CTNNA3: variants seen among roughly 807,000 people sequenced by gnomAD.
The protein encoded by CTNNA3 is catenin alpha-3.
CTNNA3 carries 76 observed loss-of-function variants against 95.7 expected under a neutral mutation model. The ratio of observed to expected loss-of-function variants is 0.79; its 90% CI spans 0.66 to 0.96. The LOEUF is 0.96. Among genes scored for constraint, CTNNA3 ranks in the 40% least tolerant of loss-of-function variants. CTNNA3 has a pLI of 0.00. For synonymous variants in CTNNA3, 431 were observed against 374.4 expected (o/e 1.15, Z -1.74); for missense variants, 1,191 against 1,089.8 (o/e 1.09, Z -1.31).
chr10:66,220,063 C>A (rs1039249824), intron 13 of CTNNA3, among the ~76,000 whole-genome samples: 5 of 152,072 alleles, frequency 3.3e-5, no homozygotes, highest in African/African-American at 4.8e-5. Context: ...GCAGAGGTTG[C>A]AGTGAGCCGA....
At chr10:67,154,083 G>A (rs1196464070) in intron 7 of CTNNA3, among the ~76,000 whole-genome samples, 1 of 151,974 alleles carries the variant, frequency 6.6e-6, no homozygotes, top group South Asian at 2.1e-4. Flanking sequence ...TATATCCAAT[G>A]TATAAGTATT....
chr10:66,321,334 TA>T (rs2092182456), intron 12 of CTNNA3, among the ~76,000 whole-genome samples: 1 of 152,060 alleles, frequency 6.6e-6, no homozygotes, highest in Admixed American at 6.6e-5. Context: ...GAAAGAAACA[TA>T]AAAACTAAAG....
At chr10:66,073,675 T>G (rs2080487993) in intron 14 of CTNNA3, among the ~76,000 whole-genome samples, 1 of 152,112 alleles carries the variant, frequency 6.6e-6, no homozygotes, top group Non-Finnish European at 1.5e-5. Flanking sequence ...AATATTACCA[T>G]TCCTGCTGTC....
At chr10:65,960,862 T>G (rs967087557) in intron 17 of CTNNA3, among the ~76,000 whole-genome samples, 2 of 152,256 alleles carry the variant, frequency 1.3e-5, no homozygotes, top group Admixed American at 1.3e-4. Context: ...AATTCTTTTA[T>G]ATGACTGCAT....
chr10:65,986,453 G>A (rs2133318880), intron 16 of CTNNA3, among the ~76,000 whole-genome samples: 1 of 151,128 alleles, frequency 6.6e-6, no homozygotes, highest in South Asian at 2.1e-4. Flanking sequence ...AATCAGGCAA[G>A]CAATCCTATT....
chr10:67,083,335 A>C (rs2131885952), intron 7 of CTNNA3, among the ~76,000 whole-genome samples: 1 of 152,254 alleles, frequency 6.6e-6, no homozygotes, highest in African/African-American at 2.4e-5. Flanking sequence ...TGATTAGGAA[A>C]CAGTTCCAAT....
intron 7 of CTNNA3, among the ~76,000 whole-genome samples, chr10:66,981,945 C>A (rs949302070): frequency 6.6e-6 from 1 of 152,166 alleles, no homozygotes; most frequent in African/African-American, 2.4e-5. Flanking sequence ...CCAAAGGCTG[C>A]CTATTTGGCT....
chr10:66,348,683 ACAAT>A (rs1160036833), intron 12 of CTNNA3, among the ~76,000 whole-genome samples: 3 of 152,244 alleles, frequency 2.0e-5, no homozygotes, highest in East Asian at 1.9e-4. Flanking sequence ...AAGCTAGTTT[ACAAT>A]CAATCTTGCC....
At chr10:67,688,321 T>C (rs1380486102) in intron 1 of CTNNA3, among the ~76,000 whole-genome samples, 1 of 152,010 alleles carries the variant, frequency 6.6e-6, no homozygotes, top group East Asian at 1.9e-4. Flanking sequence ...TTTGTTTCCT[T>C]CTGGGTGGGG....
At chr10:66,564,935 A>C (rs1222855439) in intron 10 of CTNNA3, among the ~76,000 whole-genome samples, 2 of 152,192 alleles carry the variant, frequency 1.3e-5, no homozygotes, top group African/African-American at 4.8e-5. Context: ...AGTCAGAAAT[A>C]GCATTAGAAC....
chr10:67,184,691 T>C (rs1862749086), intron 6 of CTNNA3, among the ~76,000 whole-genome samples: 1 of 152,198 alleles, frequency 6.6e-6, no homozygotes. Flanking sequence ...CTTACTAAAA[T>C]GAGTTACCCA....
rs749493440 is a variant in CTNNA3, at chr10:66,621,721, C to G, written c.1345G>C (p.Ala449Pro). The change falls in exon 10 of 18, where the codon GCC (alanine) becomes CCC (proline). Residue 449 changes from alanine to proline, a missense_variant. By Grantham distance (27) the Ala-to-Pro change is conservative. Transcript: ENST00000433211. The part of the protein sequence containing the change: ...EDGIKIVKIA[A>P]NHLETLCPQI... Reference sequence around the variant, plus strand: ...GGACACAAGGTTTCCAAATGATTGGCTGCAATTTTGACAATTTTAATTCCA... The same window carrying G: ...GGACACAAGGTTTCCAAATGATTGGGTGCAATTTTGACAATTTTAATTCCA... 6.2e-7 allele frequency: 1 copy of G among 1,611,724 alleles called. No homozygotes were observed. The highest frequency in any genetic ancestry group is 2.2e-5 in the East Asian group (1 of 44,678).
At chr10:67,718,726 C>T (rs762376637) in intron 1 of CTNNA3, among the ~76,000 whole-genome samples, 2 of 152,152 alleles carry the variant, frequency 1.3e-5, no homozygotes, top group Non-Finnish European at 1.5e-5. Context: ...TGAGGGTTTT[C>T]GCATCGATGT....
At chr10:66,021,621 T>C (rs948881748) in intron 15 of CTNNA3, among the ~76,000 whole-genome samples, 26 of 152,124 alleles carry the variant, frequency 1.7e-4, no homozygotes, top group African/African-American at 6.3e-4. Flanking sequence ...ACTCTAAATA[T>C]GGTACTCCAC....
intron 13 of CTNNA3, among the ~76,000 whole-genome samples, chr10:66,268,886 A>C (rs189169608): frequency 5.3e-5 from 8 of 152,338 alleles, no homozygotes; most frequent in African/African-American, 1.7e-4. Context: ...CAAAATCACA[A>C]GATTGAAAGA....
chr10:66,771,448 GA>G (rs1444909651), intron 8 of CTNNA3, among the ~76,000 whole-genome samples: 1 of 152,084 alleles, frequency 6.6e-6, no homozygotes, highest in Admixed American at 6.6e-5. Flanking sequence ...GCTAAAGAAA[GA>G]AGAAAATTTA....
intron 5 of CTNNA3, among the ~76,000 whole-genome samples, chr10:67,385,940 T>G (rs1382637929): frequency 6.6e-6 from 1 of 152,086 alleles, no homozygotes; most frequent in African/African-American, 2.4e-5. Flanking sequence ...AATATTAATG[T>G]GACCTCCTGG....
At chr10:66,207,436 A>C (rs2087833086) in intron 13 of CTNNA3, among the ~76,000 whole-genome samples, 2 of 152,014 alleles carry the variant, frequency 1.3e-5, no homozygotes, top group African/African-American at 2.4e-5. Context: ...ACAGTATTTA[A>C]AATACACAAT....
chr10:67,242,495 G>A (rs1288272670), intron 5 of CTNNA3, among the ~76,000 whole-genome samples: 3 of 152,228 alleles, frequency 2.0e-5, no homozygotes, highest in African/African-American at 7.2e-5. Context: ...CAGGAAGCGT[G>A]AATAGGGCAG....
Sources: allele counts gnomAD v4.1 joint callset (sites outside exome capture counted in the v4.1 genomes callset), GRCh38; gene constraint gnomAD v4.1.1; transcripts MANE v1.5; gene names NCBI Gene and HGNC (gene_info 2026-07-23, HGNC 2026-07-21).